Variants in DENND5A observed in about 807,000 individuals in gnomAD.
DENND5A encodes DENN domain containing 5A, also known as DENN domain-containing protein 5A.
Under a neutral mutation model 140.3 loss-of-function variants are expected in DENND5A, and 64 were observed. The observed-to-expected ratio is 0.46, with a 90% CI of 0.37 to 0.56. The LOEUF (loss-of-function observed/expected upper bound fraction) is 0.56. Among genes scored for constraint, DENND5A ranks in the 20% least tolerant of loss-of-function variants. The pLI, the probability that DENND5A is intolerant of heterozygous loss-of-function variation, is 0.00. For missense variants in DENND5A, 1,292 were observed against 1,593.8 expected, an observed-to-expected ratio of 0.81 and a Z score of 3.22; for synonymous variants, 605 against 607.7, an observed-to-expected ratio of 1.00 and a Z score of 0.07.
At chr11:9,170,954 G>T (rs995491294) in intron 8 of DENND5A, 177 bp from the exon 9 acceptor site, 6 of 1,131,174 alleles carry the variant, frequency 5.3e-6, no homozygotes, top group Non-Finnish European at 7.3e-6. Flanking sequence ...AATATAAAAT[G>T]ATAAACTTCA....
intron 8 of DENND5A, chr11:9,172,226 T>C (rs1204522040): frequency 2.0e-5 from 3 of 151,878 alleles, no homozygotes. Flanking sequence ...AAACAAAAAA[T>C]CCACAGATCT....
chr11:9,216,862 G>A (rs772411710), intron 1 of DENND5A, among the ~76,000 whole-genome samples: 1 of 151,950 alleles, frequency 6.6e-6, no homozygotes, highest in Non-Finnish European at 1.5e-5. Context: ...CAGAACAAGA[G>A]CCTATCTCAA....
intron 12 of DENND5A, among the ~76,000 whole-genome samples, chr11:9,159,619 G>A (rs1372315178): frequency 1.3e-5 from 2 of 152,060 alleles, no homozygotes; most frequent in Non-Finnish European, 2.9e-5. Flanking sequence ...CGCCTGGCCT[G>A]CTATGAACAT....
intron 1 of DENND5A, among the ~76,000 whole-genome samples, chr11:9,259,174 C>T (rs1564947364): frequency 6.7e-6 from 1 of 149,900 alleles, no homozygotes; most frequent in Non-Finnish European, 1.5e-5. Flanking sequence ...GCAGGAGAAT[C>T]GCTTGAGCCC....
intron 1 of DENND5A, among the ~76,000 whole-genome samples, chr11:9,225,833 C>G (rs987851377): frequency 6.6e-6 from 1 of 151,748 alleles, no homozygotes; most frequent in Non-Finnish European, 1.5e-5. Flanking sequence ...GCCTGTAATC[C>G]CAGCACTTTG....
chr11:9,169,186 C>T (rs1848284985), intron 10 of DENND5A, among the ~76,000 whole-genome samples: 1 of 152,144 alleles, frequency 6.6e-6, no homozygotes, highest in South Asian at 2.1e-4. Flanking sequence ...GTAGCTCACA[C>T]CTATAATCCC....
intron 16 of DENND5A, among the ~76,000 whole-genome samples, chr11:9,146,241 A>G (rs942469670): frequency 2.0e-5 from 3 of 152,210 alleles, no homozygotes; most frequent in Non-Finnish European, 4.4e-5. Flanking sequence ...ACAGAGAAAG[A>G]AAGTTTGCCT....
intron 12 of DENND5A, among the ~76,000 whole-genome samples, chr11:9,159,112 T>C (rs1156379491): frequency 1.3e-5 from 2 of 152,194 alleles, no homozygotes; most frequent in Non-Finnish European, 2.9e-5. Flanking sequence ...ATCTGTGGCC[T>C]TTTGTGTCTG....
chr11:9,179,322 G>GA (rs1166419103), intron 6 of DENND5A, among the ~76,000 whole-genome samples: 11 of 152,254 alleles, frequency 7.2e-5, no homozygotes, highest in Admixed American at 3.9e-4. Context: ...GTGGAGATAA[G>GA]ATCTTTATGG....
chr11:9,168,616 C>T (rs2136153968), intron 10 of DENND5A, among the ~76,000 whole-genome samples: 1 of 151,646 alleles, frequency 6.6e-6, no homozygotes, highest in Admixed American at 6.6e-5. Flanking sequence ...ACCAAAATTT[C>T]TTATGCTACT....
Position 9,145,119 on chromosome 11 carries a change from A to G in DENND5A, c.3004-6T>C. ...AGCTTCCCCAAGTTCTGGCACTATT[A>G]GAGAATAGAGAAGATGAGGTAGGTC... is the stretch of plus-strand genomic sequence containing the variant. On this transcript the variant is annotated splice_polypyrimidine_tract_variant and splice_region_variant and intron_variant, in intron 17 of 22. Transcript: ENST00000328194. 6.3e-7 allele frequency: 1 copy of G among 1,587,624 alleles called. No homozygotes were observed. Among genetic ancestry groups the G allele is most frequent in the Non-Finnish European group, 8.7e-7 (1 of 1,155,834 alleles).
chr11:9,233,336 T>C (rs1590313561), intron 1 of DENND5A, among the ~76,000 whole-genome samples: 1 of 149,430 alleles, frequency 6.7e-6, no homozygotes. Flanking sequence ...GAGGCAGAGG[T>C]TGGAGTGAGC....
intron 5 of DENND5A, among the ~76,000 whole-genome samples, chr11:9,191,868 T>A (rs1849137940): frequency 6.6e-6 from 1 of 152,236 alleles, no homozygotes. Flanking sequence ...GACTAAGTTG[T>A]ATCAATATTA....
Position 9,206,722 on chromosome 11 carries a change from T to C in DENND5A, c.242A>G (p.Tyr81Cys). The C allele has an allele frequency of 1.2e-6, 2 of 1,613,986 alleles. No individual in the cohort carries two copies. Among genetic ancestry groups the C allele is most frequent in the Non-Finnish European group, 1.7e-6 (2 of 1,179,920 alleles). Reference protein sequence around the residue: ...RTFKSKVLARYPENVEWNPFD... With the variant: ...RTFKSKVLARCPENVEWNPFD... ...GGGATTCCATTCTACGTTCTCAGGATATCGTGCAAGGACCTTAGATTTGAA... is the reference window on the plus strand; with the variant it reads ...GGGATTCCATTCTACGTTCTCAGGACATCGTGCAAGGACCTTAGATTTGAA... Residue 81 changes from tyrosine (Y) to cysteine (C), a missense_variant, in exon 3 of 23, where the codon TAT becomes TGT. Tyr to Cys is a radical substitution (Grantham distance 194, BLOSUM62 -2). Around this residue, in one of 4 missense-constraint regions of DENND5A, gnomAD observed 566 missense variants for 650.4 expected, o/e 0.87. Coordinates refer to ENST00000328194, the MANE Select transcript of DENND5A (RefSeq NM_015213.4).
intron 5 of DENND5A, 51 bp downstream of exon 5, chr11:9,193,443 C>CGAAG (rs1245256130): frequency 7.0e-7 from 1 of 1,429,412 alleles, no homozygotes; most frequent in East Asian, 2.5e-5. Context: ...CAAAGCCCTT[C>CGAAG]TCTCCCCAAT....
At chr11:9,234,777 C>T (rs1048774989) in intron 1 of DENND5A, among the ~76,000 whole-genome samples, 2 of 152,202 alleles carry the variant, frequency 1.3e-5, no homozygotes, top group African/African-American at 4.8e-5. Flanking sequence ...CCCTTTATTT[C>T]GGCCCATCCC....
At chr11:9,228,657 T>A (rs192909271) in intron 1 of DENND5A, among the ~76,000 whole-genome samples, 2 of 150,050 alleles carry the variant, frequency 1.3e-5, no homozygotes, top group African/African-American at 4.9e-5. Context: ...AGGCAGAGGT[T>A]GCAGTGAGCC....
At chr11:9,255,863 TAA>T (rs751397027) in intron 1 of DENND5A, among the ~76,000 whole-genome samples, 15 of 120,082 alleles carry the variant, frequency 1.2e-4, no homozygotes, top group Non-Finnish European at 1.4e-4. Flanking sequence ...AGACTCCGTC[TAA>T]AAAAAAAAAA....
intron 3 of DENND5A, 152 bp from the exon 4 acceptor site, chr11:9,204,469 T>A: frequency 1.4e-6 from 1 of 716,850 alleles, no homozygotes; most frequent in Non-Finnish European, 2.3e-6. Context: ...GACATGCAAG[T>A]AAATAAAATC....
Sources: gnomAD v4.1 joint callset for allele counts (sites outside exome capture counted in the v4.1 genomes callset) on GRCh38, gnomAD v4.1.1 for gene constraint, gnomAD v4.1.1 regional missense constraint, MANE v1.5 for transcripts, NCBI Gene and HGNC (gene_info 2026-07-23, HGNC 2026-07-21) for gene names.